Variants in H2AX observed in about 807,000 individuals in gnomAD.
H2AX encodes histone H2AX.
Under a neutral mutation model 8.0 loss-of-function variants are expected in H2AX, and 2 were observed. The ratio of observed to expected loss-of-function variants is 0.25; its 90% confidence interval spans 0.10 to 0.79. The LOEUF is 0.79. Ranked by LOEUF, H2AX falls within the 30% of genes least tolerant of loss-of-function variation. The probability of loss-of-function intolerance (pLI) is 0.69; values close to 1 mark genes in which losing one functional copy is unlikely to be tolerated. For missense variants in H2AX, 105 were observed against 201.0 expected, an observed-to-expected ratio of 0.52 and a Z score of 2.89; for synonymous variants, 110 against 102.5, an observed-to-expected ratio of 1.07 and a Z score of -0.44.
rs764445366 is a variant in H2AX at position 119,095,098 on chromosome 11, G to A, written c.297C>T (p.Gly99=). ...RNDEELNKLL[G]GVTIAQGGVL... ...CGCCTCCCTGGGCGATCGTCACGCC[G>A]CCCAGCAGCTTGTTGAGCTCCTCGT... Residue 99 remains glycine (G), a synonymous_variant, in exon 1 of 1, where the codon GGC becomes GGT. Coordinates refer to ENST00000530167, the MANE Select transcript of H2AX (RefSeq NM_002105.3). The A allele has an allele frequency of 8.7e-6, 14 of 1,613,858 alleles. No individual in the cohort carries two copies. The highest frequency in any genetic ancestry group is 1.1e-5 in the Non-Finnish European group (13 of 1,179,900).
In H2AX at chr11:119,094,749, C is replaced by T; in HGVS notation, c.*214G>A. On this transcript the variant is annotated 3_prime_UTR_variant, in exon 1 of 1. Transcript: ENST00000530167. ...CGGACAGGGCAGGGCCCGAGGCCGA[C>T]GCGGCAGGCGGTGCGGGACGGGAGC... 1 of 525,448 alleles carries T rather than the reference C, an allele frequency of 1.9e-6. No individual in the cohort carries two copies. The highest frequency in any genetic ancestry group is 3.2e-6 in the Non-Finnish European group (1 of 309,276). 32.5% of individuals were successfully genotyped at this position (525,448 alleles called of 1,614,324 possible). A position where few individuals can be genotyped will look rare whatever the true frequency, so the allele number is the denominator to read the frequency against.
chr11:119,095,113 G>A lies in H2AX; in HGVS notation c.282C>T (p.Leu94=), dbSNP rs141798641. ...TCGTCACGCCGCCCAGCAGCTTGTT[G>A]AGCTCCTCGTCGTTGCGGATGGCCA... ...LQLAIRNDEE[L]NKLLGGVTIA... is the part of the protein sequence containing the mutation. The change falls in exon 1 of 1, where the codon CTC becomes CTT. Residue 94 remains leucine, a synonymous_variant. Transcript: ENST00000530167. 1 of 1,614,020 alleles carries A rather than the reference G, an allele frequency of 6.2e-7. No individual in the cohort carries two copies.
Position 119,095,445 on chromosome 11 carries a change from G to C in H2AX, c.-51C>G. 1 of 1,450,086 alleles carries C rather than the reference G, an allele frequency of 6.9e-7. No homozygotes were observed. Among genetic ancestry groups the C allele is most frequent in the Non-Finnish European group, 9.0e-7 (1 of 1,106,450 alleles). 89.8% of individuals were successfully genotyped at this position (1,450,086 alleles called of 1,614,324 possible). A position where few individuals can be genotyped will look rare whatever the true frequency, so the allele number is the denominator to read the frequency against. On this transcript the variant is annotated 5_prime_UTR_variant, in exon 1 of 1. Coordinates refer to ENST00000530167, the MANE Select transcript of H2AX (RefSeq NM_002105.3). ...CGACGGCTCAAACACTAGAACAGAC[G>C]CCCGCCGCAGTGTAACTGCTGTCGC...
rs893458345 is a variant in H2AX, at chr11:119,095,095, G to A, written c.300C>T (p.Gly100=). 1 of 1,613,968 alleles carries A rather than the reference G, an allele frequency of 6.2e-7. No homozygotes were observed. The highest frequency in any genetic ancestry group is 1.3e-5 in the African/African-American group (1 of 75,052). Residue 100 remains glycine, a synonymous_variant, in exon 1 of 1, where the codon GGC becomes GGT. Transcript: ENST00000530167. ...GGACGCCTCCCTGGGCGATCGTCAC[G>A]CCGCCCAGCAGCTTGTTGAGCTCCT... ...NDEELNKLLG[G]VTIAQGGVLP...
chr11:119,094,719 G>T lies in H2AX; in HGVS notation c.*244C>A. On this transcript the variant is annotated 3_prime_UTR_variant, in exon 1 of 1. Coordinates refer to ENST00000530167, the MANE Select transcript of H2AX (RefSeq NM_002105.3). Reference sequence around the variant, plus strand: ...AAGGCCCGAACCCTACCGGAGGGCGGACGGCGGACAGGGCAGGGCCCGAGG... The same window carrying T: ...AAGGCCCGAACCCTACCGGAGGGCGTACGGCGGACAGGGCAGGGCCCGAGG... 1 of 408,076 alleles carries T rather than the reference G, an allele frequency of 2.5e-6. No individual in the cohort carries two copies. Among genetic ancestry groups the T allele is most frequent in the South Asian group, 6.0e-5 (1 of 16,688 alleles). The allele number at this position is 408,076 out of a possible 1,614,324, so 25.3% of individuals were successfully genotyped here.
In H2AX at chr11:119,095,457, G is replaced by GT; in HGVS notation, c.-64dup. On this transcript the variant is annotated 5_prime_UTR_variant, in exon 1 of 1. Transcript: ENST00000530167. ...CACTAGAACAGACGCCCGCCGCAGT[G>GT]TAACTGCTGTCGCGCGCGCGCCGCG... The GT allele has an allele frequency of 1.4e-6, 2 of 1,452,656 alleles. No individual in the cohort carries two copies. Among genetic ancestry groups the GT allele is most frequent in the Non-Finnish European group, 1.8e-6 (2 of 1,106,534 alleles). The allele number at this position is 1,452,656 out of a possible 1,614,324, so 90.0% of individuals were successfully genotyped here. A position where few individuals can be genotyped will look rare whatever the true frequency, so the allele number is the denominator to read the frequency against.
chr11:119,095,406 A>G lies in H2AX; in HGVS notation c.-12T>C. The G allele has an allele frequency of 6.6e-7, 1 of 1,526,388 alleles. No homozygotes were observed. Among genetic ancestry groups the G allele is most frequent in the Non-Finnish European group, 8.7e-7 (1 of 1,144,642 alleles). 94.6% of individuals were successfully genotyped at this position (1,526,388 alleles called of 1,614,324 possible). On this transcript the variant is annotated 5_prime_UTR_variant, in exon 1 of 1. Transcript: ENST00000530167. ...CCGCGGCCCGACATGCTAGCGAGGTAGACCGGTGAAGCACGACGGCTCAAA... is the reference window on the plus strand; with the variant it reads ...CCGCGGCCCGACATGCTAGCGAGGTGGACCGGTGAAGCACGACGGCTCAAA...
rs1296590248 is a variant in H2AX at position 119,094,162 on chromosome 11, T to C, written c.*801A>G. On this transcript the variant is annotated 3_prime_UTR_variant, in exon 1 of 1. Coordinates refer to ENST00000530167, the MANE Select transcript of H2AX (RefSeq NM_002105.3). The stretch of plus-strand genomic sequence containing the variant: ...CACATAGCCAGCCGTGAAGCCAAAC[T>C]GCAGGCCTCTGCCCTCCCCTAAATG... The C allele has an allele frequency of 6.5e-6, 1 of 152,716 alleles. No homozygotes were observed. The highest frequency in any genetic ancestry group is 2.4e-5 in the African/African-American group (1 of 41,452). The allele number at this position is 152,716 out of a possible 1,614,324, so 9.5% of individuals were successfully genotyped here.
At position 119,095,265 on chromosome 11, in the gene H2AX, C is replaced by A; in HGVS notation, c.130G>T (p.Val44Phe). The A allele has an allele frequency of 6.2e-7, 1 of 1,613,360 alleles. No individual in the cohort carries two copies. The highest frequency in any genetic ancestry group is 8.5e-7 in the Non-Finnish European group (1 of 1,179,534). Residue 44 changes from valine (V) to phenylalanine (F), a missense_variant, in exon 1 of 1, where the codon GTT becomes TTT. Val to Phe is a conservative substitution (Grantham distance 50). Around this residue, in one of 3 missense-constraint regions of H2AX, gnomAD observed 55 missense variants for 144.4 expected, o/e 0.38. Transcript: ENST00000530167. ...LLRKGHYAER[V>F]GAGAPVYLAA... Reference sequence around the variant, plus strand: ...AGGTACACTGGCGCGCCGGCGCCAACGCGCTCGGCGTAGTGGCCCTTCCGC... The same window carrying A: ...AGGTACACTGGCGCGCCGGCGCCAAAGCGCTCGGCGTAGTGGCCCTTCCGC...
In H2AX at chr11:119,094,634, C is replaced by A. The variant is rs1272226518; in HGVS notation, c.*329G>T. ...AGGTGCGGCGCCGCCGGCCTCCCCC[C>A]GGCAGGCTCGGGTCTTCCGCGCCAC... On this transcript the variant is annotated 3_prime_UTR_variant, in exon 1 of 1. Transcript: ENST00000530167. 3.8e-5 allele frequency: 8 copies of A among 207,874 alleles called. No homozygotes were observed. Among genetic ancestry groups the A allele is most frequent in the Non-Finnish European group, 6.6e-5 (7 of 105,668 alleles). 12.9% of individuals were successfully genotyped at this position (207,874 alleles called of 1,614,324 possible).
At position 119,094,840 on chromosome 11, in the gene H2AX, C is replaced by G. The variant is rs1946363238; in HGVS notation, c.*123G>C. Reference sequence around the variant, plus strand: ...CGAGGGGAGGGGAGGGGAAGGGAGCCGCGGCCCGCTTGCCCCGCAGTCTGA... The same window carrying G: ...CGAGGGGAGGGGAGGGGAAGGGAGCGGCGGCCCGCTTGCCCCGCAGTCTGA... On this transcript the variant is annotated 3_prime_UTR_variant, in exon 1 of 1. Transcript: ENST00000530167. 2 of 1,073,156 alleles carry G rather than the reference C, an allele frequency of 1.9e-6. No homozygotes were observed. The highest frequency in any genetic ancestry group is 2.6e-6 in the Non-Finnish European group (2 of 775,960). 66.5% of individuals were successfully genotyped at this position (1,073,156 alleles called of 1,614,324 possible).
In H2AX at chr11:119,095,458, T is replaced by TA. The variant is rs1365107874; in HGVS notation, c.-65dup. ...ACTAGAACAGACGCCCGCCGCAGTG[T>TA]AACTGCTGTCGCGCGCGCGCCGCGA... is the stretch of plus-strand genomic sequence containing the variant. On this transcript the variant is annotated 5_prime_UTR_variant, in exon 1 of 1. Transcript: ENST00000530167. 2 of 1,452,286 alleles carry TA rather than the reference T, an allele frequency of 1.4e-6. No homozygotes were observed. The highest frequency in any genetic ancestry group is 1.8e-6 in the Non-Finnish European group (2 of 1,106,354). 90.0% of individuals were successfully genotyped at this position (1,452,286 alleles called of 1,614,324 possible).
chr11:119,095,215 G>A lies in H2AX; in HGVS notation c.180C>T (p.Thr60=), dbSNP rs375251697. ...TGCCCGCCAGCTCCAGGATCTCAGC[G>A]GTGAGGTACTCCAGCACTGCCGCCA... is the stretch of plus-strand genomic sequence containing the variant. ...VYLAAVLEYL[T]AEILELAGNA... Residue 60 remains threonine (T), a synonymous_variant, in exon 1 of 1, where the codon ACC becomes ACT. Transcript: ENST00000530167. 3.7e-6 allele frequency: 6 copies of A among 1,613,890 alleles called. No homozygotes were observed. The highest frequency in any genetic ancestry group is 5.1e-6 in the Non-Finnish European group (6 of 1,179,908).
At position 119,094,796 on chromosome 11, in the gene H2AX, G is replaced by A; in HGVS notation, c.*167C>T. 1 of 729,476 alleles carries A rather than the reference G, an allele frequency of 1.4e-6. No homozygotes were observed. Among genetic ancestry groups the A allele is most frequent in the Non-Finnish European group, 2.1e-6 (1 of 471,606 alleles). 45.2% of individuals were successfully genotyped at this position (729,476 alleles called of 1,614,324 possible). A position where few individuals can be genotyped will look rare whatever the true frequency, so the allele number is the denominator to read the frequency against. On this transcript the variant is annotated 3_prime_UTR_variant, in exon 1 of 1. Coordinates refer to ENST00000530167, the MANE Select transcript of H2AX (RefSeq NM_002105.3). ...GAGCGGGGGCGGGCGGGGACTCGAG[G>A]CCGGGCGGCGAAGGCGGGCGAGGGG... is the stretch of plus-strand genomic sequence containing the variant.
rs1489752644 is a variant in H2AX at position 119,094,036 on chromosome 11, G to A, written c.*927C>T. 1 of 152,722 alleles carries A rather than the reference G, an allele frequency of 6.5e-6. No homozygotes were observed. Among genetic ancestry groups the A allele is most frequent in the Non-Finnish European group, 1.5e-5 (1 of 68,090 alleles). 9.5% of individuals were successfully genotyped at this position (152,722 alleles called of 1,614,324 possible). ...GACTTGTGCTGGTATCTAGGTGCTT[G>A]GATTGCCGAGTTGAGTTTGCTGGAA... On this transcript the variant is annotated 3_prime_UTR_variant, in exon 1 of 1. Coordinates refer to ENST00000530167, the MANE Select transcript of H2AX (RefSeq NM_002105.3).
In H2AX at chr11:119,094,211, G is replaced by C. The variant is rs973037688; in HGVS notation, c.*752C>G. The C allele has an allele frequency of 2.6e-5, 4 of 152,824 alleles. No individual in the cohort carries two copies. The highest frequency in any genetic ancestry group is 6.5e-5 in the Admixed American group (1 of 15,310). 9.5% of individuals were successfully genotyped at this position (152,824 alleles called of 1,614,324 possible). ...TGTCCTCCTAGGAGGCAGTCACTCG[G>C]GAGGAAGATGTGCCTGTTACCAAGT... On this transcript the variant is annotated 3_prime_UTR_variant, in exon 1 of 1. Coordinates refer to ENST00000530167, the MANE Select transcript of H2AX (RefSeq NM_002105.3).
rs1184120819 is a variant in H2AX, at chr11:119,094,674, A to G, written c.*289T>C. 4 of 275,344 alleles carry G rather than the reference A, an allele frequency of 1.5e-5. No individual in the cohort carries two copies. Among genetic ancestry groups the G allele is most frequent in the Non-Finnish European group, 2.7e-5 (4 of 149,016 alleles). 17.1% of individuals were successfully genotyped at this position (275,344 alleles called of 1,614,324 possible). On this transcript the variant is annotated 3_prime_UTR_variant, in exon 1 of 1. Coordinates refer to ENST00000530167, the MANE Select transcript of H2AX (RefSeq NM_002105.3). ...TTCCGCGCCACGGAGGTCCCCGAAG[A>G]GCGCCCAAGCCGCATCCGGAAGGCC...
chr11:119,094,481 G>A lies in H2AX; in HGVS notation c.*482C>T, dbSNP rs1386234897. 1 of 152,460 alleles carries A rather than the reference G, an allele frequency of 6.6e-6. No homozygotes were observed. Among genetic ancestry groups the A allele is most frequent in the Non-Finnish European group, 1.5e-5 (1 of 68,292 alleles). 9.4% of individuals were successfully genotyped at this position (152,460 alleles called of 1,614,324 possible). ...TCACCTTCAGGGCCGCCGGCCTCTC[G>A]GCCTGGACTGCCCACCTCGGCCCTG... On this transcript the variant is annotated 3_prime_UTR_variant, in exon 1 of 1. Transcript: ENST00000530167.
Position 119,095,425 on chromosome 11 carries a change from G to T in H2AX, c.-31C>A, listed in dbSNP as rs546244044. On this transcript the variant is annotated 5_prime_UTR_variant, in exon 1 of 1. Coordinates refer to ENST00000530167, the MANE Select transcript of H2AX (RefSeq NM_002105.3). ...CGAGGTAGACCGGTGAAGCACGACGGCTCAAACACTAGAACAGACGCCCGC... is the reference window on the plus strand; with the variant it reads ...CGAGGTAGACCGGTGAAGCACGACGTCTCAAACACTAGAACAGACGCCCGC... 11 of 1,483,668 alleles carry T rather than the reference G, an allele frequency of 7.4e-6. No individual in the cohort carries two copies. The South Asian group carries it at 8.2e-5, about 11-fold the overall frequency. 91.9% of individuals were successfully genotyped at this position (1,483,668 alleles called of 1,614,324 possible). A position where few individuals can be genotyped will look rare whatever the true frequency, so the allele number is the denominator to read the frequency against.
Sources: allele counts gnomAD v4.1 joint callset, GRCh38; gene constraint gnomAD v4.1.1; regional missense constraint gnomAD v4.1.1; transcripts MANE v1.5; gene names NCBI Gene and HGNC (gene_info 2026-07-23, HGNC 2026-07-21).